Variants in CHODL observed in about 807,000 individuals in gnomAD.
The protein encoded by CHODL is transmembrane protein MT75.
CHODL carries 29 observed loss-of-function variants against 34.5 expected under a neutral mutation model. The observed-to-expected ratio is 0.84, with a 90% CI of 0.63 to 1.15. The LOEUF (loss-of-function observed/expected upper bound fraction) is 1.15. CHODL is among the 50% of genes most tolerant of loss of function. The probability of loss-of-function intolerance (pLI) is 0.00; values close to 1 mark genes in which losing one functional copy is unlikely to be tolerated. For synonymous variants in CHODL, 125 were observed against 116.1 expected, an observed-to-expected ratio of 1.08 and a Z score of -0.49; for missense variants, 332 against 332.5, an observed-to-expected ratio of 1.00 and a Z score of 0.01.
Position 18,028,310 on chromosome 21 carries a change from C to CCTTG in CHODL, c.-45+342_-45+343insGCTT, listed in dbSNP as rs1467658564. 1.3e-3 allele frequency among the ~76,000 whole-genome samples: 185 copies of CCTTG among 141,642 alleles called. 1 individual carries two copies. Among genetic ancestry groups the CCTTG allele is most frequent in the African/African-American group, 4.7e-3 (177 of 38,028 alleles). The allele number at this position is 141,642 out of a possible 152,430, so 92.9% of individuals were successfully genotyped here. On this transcript the variant is annotated intron_variant, in intron 2 of 6. Coordinates refer to the CHODL transcript ENST00000400127. ...TCCTTCCTTCCTTCCTTCCTTCCTT[C>CCTTG]CTTCCTTCCTTCCTTCCTTCCTCTC...
At chr21:17,950,344 A>G (rs973941599) in intron 1 of CHODL, among the ~76,000 whole-genome samples, 1 of 152,096 alleles carries the variant, frequency 6.6e-6, no homozygotes, top group Non-Finnish European at 1.5e-5. Context: ...AAATAGATGG[A>G]GATTAAGACC....
chr21:18,188,720 C>G (rs1036230202), intron 2 of CHODL, among the ~76,000 whole-genome samples: 1 of 152,310 alleles, frequency 6.6e-6, no homozygotes, highest in Non-Finnish European at 1.5e-5. Flanking sequence ...GGACACCCAA[C>G]TTTCATATTT....
chr21:17,941,521 A>G (rs1478632883), intron 1 of CHODL, among the ~76,000 whole-genome samples: 2 of 146,400 alleles, frequency 1.4e-5, no homozygotes, highest in Non-Finnish European at 3.0e-5. Flanking sequence ...GCCTTGATTT[A>G]TAGCACAAAG....
At chr21:18,211,243 G>C (rs2223983) in intron 2 of CHODL, among the ~76,000 whole-genome samples, 11,837 of 151,932 alleles carry the variant, frequency 0.078, 575 homozygotes, top group African/African-American at 0.14. Context: ...CATAAAATGT[G>C]TTTTAATTAC....
At chr21:18,204,788 T>C (rs928791461) in intron 2 of CHODL, among the ~76,000 whole-genome samples, 2 of 152,178 alleles carry the variant, frequency 1.3e-5, no homozygotes, top group African/African-American at 4.8e-5. Flanking sequence ...TTGGCCTACT[T>C]AATGTAATAA....
In CHODL at chr21:17,964,755, G is replaced by A. The variant is rs2063558658; in HGVS notation, c.-145+47355G>A. Reference sequence around the variant, plus strand: ...ATAATCAATGTTAACTGTCCATCTGGATGTCTTAGATTACTTTTGATTTGC... The same window carrying A: ...ATAATCAATGTTAACTGTCCATCTGAATGTCTTAGATTACTTTTGATTTGC... On this transcript the variant is annotated intron_variant, in intron 1 of 6. Coordinates refer to the CHODL transcript ENST00000400127. Among the ~76,000 whole-genome samples, 2 of 152,102 alleles carry A rather than the reference G, an allele frequency of 1.3e-5. 1 individual carries two copies. Among genetic ancestry groups the A allele is most frequent in the Non-Finnish European group, 2.9e-5 (2 of 68,012 alleles).
intron 1 of CHODL, among the ~76,000 whole-genome samples, chr21:18,016,146 C>CT (rs2064071366): frequency 6.6e-6 from 1 of 152,216 alleles, no homozygotes; most frequent in Non-Finnish European, 1.5e-5. Flanking sequence ...TTTAAGAGAC[C>CT]TTCATGGCAG....
intron 1 of CHODL, among the ~76,000 whole-genome samples, chr21:17,945,627 T>G (rs551573652): frequency 5.3e-5 from 8 of 152,192 alleles, no homozygotes; most frequent in Admixed American, 3.3e-4. Flanking sequence ...AAACTAAACC[T>G]TTCAATCACA....
At chr21:18,062,269 G>A (rs757060563) in intron 2 of CHODL, among the ~76,000 whole-genome samples, 22 of 151,994 alleles carry the variant, frequency 1.4e-4, no homozygotes, top group East Asian at 1.9e-4. Flanking sequence ...TTATACAGGC[G>A]CCATCTCAGC....
intron 2 of CHODL, among the ~76,000 whole-genome samples, chr21:18,066,118 C>T (rs150267): frequency 0.35 from 53,154 of 151,850 alleles, 10,613 homozygotes; most frequent in East Asian, 0.8. Context: ...TTCATGGCCC[C>T]AAATTATAAT....
At chr21:17,981,381 G>A (rs866097649) in intron 1 of CHODL, among the ~76,000 whole-genome samples, 13 of 152,140 alleles carry the variant, frequency 8.5e-5, no homozygotes, top group Non-Finnish European at 1.9e-4. Context: ...TTCATGGGCA[G>A]CGTTTGTTTC....
At chr21:17,972,520 C>A (rs1247738123) in intron 1 of CHODL, among the ~76,000 whole-genome samples, 1 of 152,186 alleles carries the variant, frequency 6.6e-6, no homozygotes, top group Non-Finnish European at 1.5e-5. Flanking sequence ...AGAGCCAAAT[C>A]ATGAGTGAAC....
At chr21:18,033,028 G>A (rs371893229) in intron 2 of CHODL, among the ~76,000 whole-genome samples, 12 of 151,998 alleles carry the variant, frequency 7.9e-5, no homozygotes, top group African/African-American at 2.7e-4. Context: ...GCATGTGTAT[G>A]CATCACATAT....
At chr21:18,103,017 A>G (rs959054996) in intron 2 of CHODL, among the ~76,000 whole-genome samples, 1 of 152,228 alleles carries the variant, frequency 6.6e-6, no homozygotes, top group African/African-American at 2.4e-5. Flanking sequence ...TAAAAATTTC[A>G]TTATGAATGA....
intron 2 of CHODL, among the ~76,000 whole-genome samples, chr21:18,154,074 T>C (rs1358641826): frequency 6.6e-6 from 1 of 152,180 alleles, no homozygotes; most frequent in Non-Finnish European, 1.5e-5. Context: ...ATAATTTCCC[T>C]TTATACTAGA....
chr21:18,089,639 T>A (rs757705844), intron 2 of CHODL, among the ~76,000 whole-genome samples: 3 of 152,206 alleles, frequency 2.0e-5, no homozygotes, highest in Non-Finnish European at 2.9e-5. Flanking sequence ...TTCAAGGATA[T>A]GGAATAATTT....
chr21:18,258,711 G>T (rs1178892687), intron 3 of CHODL, among the ~76,000 whole-genome samples: 1 of 151,068 alleles, frequency 6.6e-6, no homozygotes, highest in Non-Finnish European at 1.5e-5. Context: ...CACATTCACG[G>T]GTTTACTGTT....
intron 2 of CHODL, among the ~76,000 whole-genome samples, chr21:18,145,816 G>C (rs1261674597): frequency 6.6e-6 from 1 of 152,188 alleles, no homozygotes; most frequent in Non-Finnish European, 1.5e-5. Flanking sequence ...GACTGGGAAA[G>C]ATTCAGATCT....
intron 2 of CHODL, among the ~76,000 whole-genome samples, chr21:18,060,008 T>C (rs1392609316): frequency 6.6e-6 from 1 of 152,186 alleles, no homozygotes; most frequent in Non-Finnish European, 1.5e-5. Flanking sequence ...TTAAGATTTT[T>C]AAAATCTGTC....
Sources: gnomAD v4.1 joint callset for allele counts (sites outside exome capture counted in the v4.1 genomes callset) on GRCh38, gnomAD v4.1.1 for gene constraint, MANE v1.5 for transcripts, NCBI Gene and HGNC (gene_info 2026-07-23, HGNC 2026-07-21) for gene names.